The following PDE4D variants were observed in gnomAD, a reference collection of about 807,000 sequenced individuals.
PDE4D encodes 3',5'-cyclic-AMP phosphodiesterase 4D.
Under a neutral mutation model 87.4 loss-of-function variants are expected in PDE4D, and 24 were observed. That is an observed-to-expected ratio of 0.27 (90% CI 0.20 to 0.39). PDE4D has a LOEUF of 0.39. PDE4D is among the 10% of genes least tolerant of loss of function. The probability of loss-of-function intolerance (pLI) is 1.00; values close to 1 mark genes in which losing one functional copy is unlikely to be tolerated. For synonymous variants in PDE4D, 384 were observed against 383.2 expected (o/e 1.00, Z -0.02); for missense variants, 714 against 1,041.0 (o/e 0.69, Z 4.32).
In PDE4D at chr5:59,338,820, C is replaced by T. The variant is rs138286696; in HGVS notation, c.456-122852G>A. On this transcript the variant is annotated intron_variant, in intron 1 of 14. Transcript: ENST00000340635. Reference sequence around the variant, plus strand: ...AAATTCCTACAAAAATTTCCCACTGCTATAGCAACTATTAATGAAAGTCTG... The same window carrying T: ...AAATTCCTACAAAAATTTCCCACTGTTATAGCAACTATTAATGAAAGTCTG... Among the ~76,000 whole-genome samples the T allele has an allele frequency of 4.4e-3, 675 of 152,220 alleles. 4 individuals carry two copies. The highest frequency in any genetic ancestry group is 0.016 in the African/African-American group (655 of 41,518).
chr5:59,498,241 C>T (rs1807585355), intron 1 of PDE4D, among the ~76,000 whole-genome samples: 1 of 151,308 alleles, frequency 6.6e-6, no homozygotes, highest in Non-Finnish European at 1.5e-5. Flanking sequence ...AAGCAGATAG[C>T]CCACAGGCCC....
intron 2 of PDE4D, among the ~76,000 whole-genome samples, chr5:60,097,038 G>T (rs1775745708): frequency 6.6e-6 from 1 of 152,024 alleles, no homozygotes; most frequent in Non-Finnish European, 1.5e-5. Flanking sequence ...GCATTTAGAA[G>T]TGTGAATTCT....
intron 1 of PDE4D, among the ~76,000 whole-genome samples, chr5:59,857,916 G>C (rs1365510986): frequency 7.8e-6 from 1 of 128,392 alleles, no homozygotes; most frequent in African/African-American, 2.9e-5. Context: ...AAGGGGGGAG[G>C]GAAGGGGGGA....
intron 5 of PDE4D, among the ~76,000 whole-genome samples, chr5:59,131,392 T>C (rs1776240015): frequency 6.6e-6 from 1 of 152,080 alleles, no homozygotes; most frequent in Admixed American, 6.5e-5. Context: ...AATTAAAAAA[T>C]TGTTATATAA....
At chr5:59,102,794 G>C (rs1770982315) in intron 5 of PDE4D, among the ~76,000 whole-genome samples, 1 of 152,148 alleles carries the variant, frequency 6.6e-6, no homozygotes, top group Non-Finnish European at 1.5e-5. Context: ...TCTGTAATCT[G>C]TGTTTTAACA....
intron 1 of PDE4D, among the ~76,000 whole-genome samples, chr5:59,304,402 G>A (rs1329463196): frequency 6.6e-6 from 1 of 152,070 alleles, no homozygotes; most frequent in Non-Finnish European, 1.5e-5. Context: ...CCTCTTGTCT[G>A]ATTGCTCTTG....
chr5:59,746,961 C>A (rs1759702113), intron 1 of PDE4D, among the ~76,000 whole-genome samples: 1 of 152,138 alleles, frequency 6.6e-6, no homozygotes, highest in East Asian at 1.9e-4. Context: ...TTTCTACTGA[C>A]CTAAAGGTCT....
chr5:59,689,179 CA>C (rs1561480063), intron 1 of PDE4D, among the ~76,000 whole-genome samples: 1 of 152,088 alleles, frequency 6.6e-6, no homozygotes, highest in Non-Finnish European at 1.5e-5. Context: ...GAAACTATTC[CA>C]ATCGATAGAA....
At chr5:59,641,242 TA>T (rs922192270) in intron 1 of PDE4D, among the ~76,000 whole-genome samples, 19 of 151,562 alleles carry the variant, frequency 1.3e-4, no homozygotes, top group Admixed American at 2.6e-4. Flanking sequence ...TGGTGCCACT[TA>T]AAAAAAAAGT....
intron 2 of PDE4D, among the ~76,000 whole-genome samples, chr5:60,116,323 G>A (rs1321921436): frequency 6.6e-6 from 1 of 152,012 alleles, no homozygotes; most frequent in Non-Finnish European, 1.5e-5. Context: ...TTCTATAGGA[G>A]GAGCAATAGC....
intron 1 of PDE4D, among the ~76,000 whole-genome samples, chr5:59,739,827 AT>A (rs1347287862): frequency 1.3e-5 from 2 of 152,188 alleles, no homozygotes; most frequent in African/African-American, 4.8e-5. Flanking sequence ...CCAATGTCCA[AT>A]ATGAAGAGAA....
At chr5:59,008,319 G>A (rs1752062693) in intron 6 of PDE4D, among the ~76,000 whole-genome samples, 1 of 151,950 alleles carries the variant, frequency 6.6e-6, no homozygotes, top group African/African-American at 2.4e-5. Flanking sequence ...TCTGTACTTC[G>A]TGGTATGCTT....
chr5:59,183,624 G>A (rs1742204644), intron 4 of PDE4D, among the ~76,000 whole-genome samples: 1 of 152,194 alleles, frequency 6.6e-6, no homozygotes, highest in Non-Finnish European at 1.5e-5. Flanking sequence ...TTCTTCTGCA[G>A]AGCTGAGACT....
In PDE4D at chr5:59,202,185, G is replaced by A. The variant is rs1341165537; in HGVS notation, c.648-8649C>T. ...CTCTGGAGTAGCTGGGACTACAGGC[G>A]CCTGCCACCATGCCCAGCTAATTTT... On this transcript the variant is annotated intron_variant, in intron 2 of 14. Coordinates refer to ENST00000340635, the MANE Select transcript of PDE4D (RefSeq NM_001104631.2). Among the ~76,000 whole-genome samples, 15 of 151,590 alleles carry A rather than the reference G, an allele frequency of 9.9e-5. No homozygotes were observed. In the East Asian group the frequency reaches 1.4e-3, roughly 14 times the overall value.
chr5:60,458,802 C>G lies in PDE4D; in HGVS notation c.-90+29140G>C, dbSNP rs147955992. On this transcript the variant is annotated intron_variant, in intron 1 of 16. Coordinates refer to the PDE4D transcript ENST00000502484. ...GCTGCAATCCATAAGTGCACCTCCT[C>G]AATATGCCACCTCTGAAAACCAAAA... Among the ~76,000 whole-genome samples the G allele has an allele frequency of 4.3e-4, 65 of 152,106 alleles. 1 individual carries two copies. The East Asian group carries it at 0.012, about 28-fold the overall frequency.
chr5:59,575,074 A>C (rs1822904001), intron 1 of PDE4D, among the ~76,000 whole-genome samples: 1 of 152,342 alleles, frequency 6.6e-6, no homozygotes, highest in Middle Eastern at 3.4e-3. Flanking sequence ...CTACAATGAG[A>C]CTAGAAAGGA....
intron 1 of PDE4D, among the ~76,000 whole-genome samples, chr5:59,762,790 T>C (rs1457981255): frequency 1.4e-5 from 2 of 144,564 alleles, no homozygotes; most frequent in Non-Finnish European, 3.0e-5. Context: ...CACACACATA[T>C]TTTATATATA....
chr5:60,505,835 A>G (rs749355096), intron 1 of PDE4D, among the ~76,000 whole-genome samples: 8 of 152,172 alleles, frequency 5.3e-5, no homozygotes, highest in African/African-American at 9.7e-5. Context: ...GTCTGCATTC[A>G]TACATATATA....
At chr5:60,298,263 A>T (rs770476147) in intron 1 of PDE4D, among the ~76,000 whole-genome samples, 2 of 152,212 alleles carry the variant, frequency 1.3e-5, no homozygotes, top group African/African-American at 4.8e-5. Context: ...GACTAACTGC[A>T]TACCATTCAA....
Sources: gnomAD v4.1 joint callset for allele counts (sites outside exome capture counted in the v4.1 genomes callset) on GRCh38, gnomAD v4.1.1 for gene constraint, MANE v1.5 for transcripts, NCBI Gene and HGNC (gene_info 2026-07-23, HGNC 2026-07-21) for gene names.